The following WASF3 variants were observed in gnomAD, a reference collection of about 807,000 sequenced individuals.
WASF3 encodes the protein WASP family member 3, also known as actin-binding protein WASF3.
Under a neutral mutation model 46.6 loss-of-function variants are expected in WASF3, and 11 were observed. The ratio of observed to expected loss-of-function variants is 0.24; its 90% CI spans 0.15 to 0.39. WASF3 has a LOEUF of 0.39. Ranked by LOEUF, WASF3 falls within the 10% of genes least tolerant of loss-of-function variation. The probability of loss-of-function intolerance (pLI) is 1.00; values close to 1 mark genes in which losing one functional copy is unlikely to be tolerated. For synonymous variants in WASF3, 242 were observed against 259.7 expected (o/e 0.93, Z 0.65); for missense variants, 576 against 669.8 (o/e 0.86, Z 1.55).
At chr13:26,581,165 C>A (rs1202983759) in intron 1 of WASF3, among the ~76,000 whole-genome samples, 1 of 152,030 alleles carries the variant, frequency 6.6e-6, no homozygotes, top group Non-Finnish European at 1.5e-5. Context: ...CTCTTGAGCT[C>A]AAGTGATCTG....
chr13:26,640,282 A>G (rs1049657278), intron 2 of WASF3: 1 of 152,106 alleles, frequency 6.6e-6, no homozygotes, highest in African/African-American at 2.4e-5. Context: ...AAATGAAAAT[A>G]TATTCCAGTC....
Position 26,564,163 on chromosome 13 carries a change from C to A in WASF3, c.-109+6344C>A, listed in dbSNP as rs183980289. Among the ~76,000 whole-genome samples the A allele has an allele frequency of 5.3e-5, 8 of 152,240 alleles. No homozygotes were observed. In the East Asian group the frequency reaches 1.5e-3, roughly 29 times the overall value. The stretch of plus-strand genomic sequence containing the variant: ...GCAGTGATAAGAATGTTTAACATGA[C>A]CAAGCTGCTGCCCTCAGAAAGCTTA... On this transcript the variant is annotated intron_variant, in intron 1 of 9. Coordinates refer to ENST00000335327, the MANE Select transcript of WASF3 (RefSeq NM_006646.6).
chr13:26,622,224 C>T (rs879351624), intron 2 of WASF3, among the ~76,000 whole-genome samples: 6 of 152,182 alleles, frequency 3.9e-5, no homozygotes, highest in Non-Finnish European at 8.8e-5. Flanking sequence ...TTAACACTGT[C>T]AGGTTCTGCA....
chr13:26,560,836 C>A (rs1341397796), intron 1 of WASF3, among the ~76,000 whole-genome samples: 1 of 152,196 alleles, frequency 6.6e-6, no homozygotes, highest in Admixed American at 6.5e-5. Context: ...GAGTTTTAAC[C>A]GTTGGTTACA....
intron 3 of WASF3, among the ~76,000 whole-genome samples, chr13:26,649,183 A>G (rs1310789512): frequency 6.6e-6 from 1 of 152,216 alleles, no homozygotes; most frequent in Non-Finnish European, 1.5e-5. Flanking sequence ...GTCTTCCTTA[A>G]AAGATGCCGT....
chr13:26,652,904 C>T (rs1206520103), intron 3 of WASF3, among the ~76,000 whole-genome samples: 1 of 82,370 alleles, frequency 1.2e-5, no homozygotes, highest in Admixed American at 1.2e-4. Context: ...TGAGCCCATG[C>T]CTTAGGTAGG....
At chr13:26,633,200 C>CTTTTTTGTTTTTTTTTTTTTTTT (rs1881707371) in intron 2 of WASF3, among the ~76,000 whole-genome samples, 1 of 90,420 alleles carries the variant, frequency 1.1e-5, no homozygotes, top group African/African-American at 4.1e-5. Flanking sequence ...TTAGTTATTT[C>CTTTTTTGTTTTTTTTTTTTTTTT]TTTTTTTTTT....
In WASF3 at chr13:26,686,337, A is replaced by G. The variant is rs750968025; in HGVS notation, c.*492A>G. The G allele has an allele frequency of 2.0e-5, 3 of 153,142 alleles. No individual in the cohort carries two copies. Among genetic ancestry groups the G allele is most frequent in the Admixed American group, 6.4e-5 (1 of 15,524 alleles). The allele number at this position is 153,142 out of a possible 1,614,324, so 9.5% of individuals were successfully genotyped here. A position where few individuals can be genotyped will look rare whatever the true frequency, so the allele number is the denominator to read the frequency against. ...CTGAATAAGTTGGTTTTAGAGGGAAAGGTTCAACAAACAGGGAGAATCCAG... is the reference window on the plus strand; with the variant it reads ...CTGAATAAGTTGGTTTTAGAGGGAAGGGTTCAACAAACAGGGAGAATCCAG... On this transcript the variant is annotated 3_prime_UTR_variant, in exon 10 of 10. Coordinates refer to ENST00000335327, the MANE Select transcript of WASF3 (RefSeq NM_006646.6).
intron 1 of WASF3, chr13:26,577,456 C>T: frequency 1.2e-6 from 1 of 849,248 alleles, no homozygotes. Flanking sequence ...TGATTCCAGA[C>T]AGCATTGGAA....
At chr13:26,556,982 T>TTC (rs1879112125), upstream of WASF3, among the ~76,000 whole-genome samples, 9 of 109,832 alleles carry the variant, frequency 8.2e-5, no homozygotes, top group African/African-American at 2.7e-4. Context: ...CTTTCCTCCT[T>TTC]TCTTTTTCTT....
chr13:26,554,187 T>C (rs4770996), upstream of WASF3, among the ~76,000 whole-genome samples: 148,317 of 150,098 alleles, frequency 0.99, 73,304 homozygotes, highest in South Asian at 1. Context: ...ATTGCAATGG[T>C]GTGAGCACAG....
chr13:26,556,100 T>C (rs766130606), upstream of WASF3, among the ~76,000 whole-genome samples: 1 of 152,168 alleles, frequency 6.6e-6, no homozygotes, highest in Non-Finnish European at 1.5e-5. Context: ...CTCATGGAAC[T>C]GATGATCTAA....
intron 2 of WASF3, among the ~76,000 whole-genome samples, chr13:26,631,788 T>C (rs1400383055): frequency 6.6e-6 from 1 of 152,236 alleles, no homozygotes; most frequent in Non-Finnish European, 1.5e-5. Flanking sequence ...ACAATATTGA[T>C]TCTTCCTATC....
chr13:26,648,356 C>T (rs2137425813), intron 3 of WASF3, among the ~76,000 whole-genome samples: 1 of 152,252 alleles, frequency 6.6e-6, no homozygotes, highest in African/African-American at 2.4e-5. Flanking sequence ...TTTATTAATA[C>T]TCCTTAAGAC....
At position 26,564,845 on chromosome 13, in the gene WASF3, C is replaced by G. The variant is rs9512265; in HGVS notation, c.-109+7026C>G. 3.2e-4 allele frequency among the ~76,000 whole-genome samples: 47 copies of G among 148,318 alleles called. 1 individual carries two copies. In the East Asian group the frequency reaches 8.8e-3, roughly 28 times the overall value. ...ACAGTATGGTCTGAGCCATGTTGCT[C>G]TACTACCATCACTTATTTTCCAACT... is the stretch of plus-strand genomic sequence containing the variant. On this transcript the variant is annotated intron_variant, in intron 1 of 9. Transcript: ENST00000335327.
chr13:26,581,699 A>G (rs1024626135), intron 1 of WASF3, among the ~76,000 whole-genome samples: 3 of 152,158 alleles, frequency 2.0e-5, no homozygotes, highest in African/African-American at 7.2e-5. Flanking sequence ...AAGCTATCAG[A>G]GTCTCTTGGC....
At chr13:26,574,422 T>C (rs904462545) in intron 1 of WASF3, among the ~76,000 whole-genome samples, 10 of 152,208 alleles carry the variant, frequency 6.6e-5, no homozygotes, top group African/African-American at 2.4e-4. Context: ...TAACTTTTAG[T>C]ATTTAAAAGT....
chr13:26,566,699 G>T (rs1285094323), intron 1 of WASF3, among the ~76,000 whole-genome samples: 1 of 152,200 alleles, frequency 6.6e-6, no homozygotes, highest in African/African-American at 2.4e-5. Context: ...CAGTCCTGTG[G>T]GAGGTTTTTA....
rs1363277064 is a variant in WASF3 at position 26,574,628 on chromosome 13, G to C, written c.-109+16809G>C. 3.9e-5 allele frequency among the ~76,000 whole-genome samples: 6 copies of C among 152,094 alleles called. No homozygotes were observed. In the East Asian group the frequency reaches 1.2e-3, roughly 29 times the overall value. On this transcript the variant is annotated intron_variant, in intron 1 of 9. Coordinates refer to ENST00000335327, the MANE Select transcript of WASF3 (RefSeq NM_006646.6). ...TTTCTTTTAATAAGCAAGTTAAGCTGATTCATATTAATTGTTATAACTGAT... is the reference window on the plus strand; with the variant it reads ...TTTCTTTTAATAAGCAAGTTAAGCTCATTCATATTAATTGTTATAACTGAT...
Sources: gnomAD v4.1 joint callset for allele counts (sites outside exome capture counted in the v4.1 genomes callset) on GRCh38, gnomAD v4.1.1 for gene constraint, MANE v1.5 for transcripts, NCBI Gene and HGNC (gene_info 2026-07-23, HGNC 2026-07-21) for gene names.